Variants in MRPL1 observed in about 807,000 individuals in gnomAD.
MRPL1 encodes mitochondrial ribosomal protein L1, also known as large ribosomal subunit protein uL1m.
Under a neutral mutation model 38.0 loss-of-function variants are expected in MRPL1, and 28 were observed. That is an observed-to-expected ratio of 0.74 (90% CI 0.55 to 1.01). The LOEUF (loss-of-function observed/expected upper bound fraction) is 1.01, where lower values mean the gene tolerates loss of function less well. MRPL1 is among the 50% of genes least tolerant of loss of function. The pLI, the probability that MRPL1 is intolerant of heterozygous loss-of-function variation, is 0.00. For synonymous variants in MRPL1, 123 were observed against 126.7 expected, an observed-to-expected ratio of 0.97 and a Z score of 0.20; for missense variants, 358 against 389.8, an observed-to-expected ratio of 0.92 and a Z score of 0.69.
chr4:77,924,118 C>A (rs534485819), intron 7 of MRPL1, among the ~76,000 whole-genome samples: 3 of 152,016 alleles, frequency 2.0e-5, no homozygotes, highest in Non-Finnish European at 4.4e-5. Context: ...TTTCTCTCAG[C>A]TGGAAATTAT....
At chr4:77,911,699 A>G (rs538143692) in intron 7 of MRPL1, among the ~76,000 whole-genome samples, 2 of 152,306 alleles carry the variant, frequency 1.3e-5, no homozygotes, top group African/African-American at 4.8e-5. Context: ...ATAACCATTT[A>G]GCAGAGTACT....
intron 7 of MRPL1, among the ~76,000 whole-genome samples, chr4:77,945,545 A>G (rs771299854): frequency 1.4e-4 from 22 of 152,018 alleles, no homozygotes; most frequent in Non-Finnish European, 2.8e-4. Flanking sequence ...GATTGTAAAA[A>G]TCCTTTATTC....
intron 7 of MRPL1, among the ~76,000 whole-genome samples, chr4:77,942,588 T>G (rs567981773): frequency 6.6e-6 from 1 of 152,344 alleles, no homozygotes; most frequent in East Asian, 1.9e-4. Flanking sequence ...ATTTTCCTGT[T>G]GGACAAGTTC....
intron 7 of MRPL1, among the ~76,000 whole-genome samples, chr4:77,948,723 A>C (rs1360385894): frequency 6.6e-6 from 1 of 150,914 alleles, no homozygotes; most frequent in Non-Finnish European, 1.5e-5. Flanking sequence ...TACTGTATAA[A>C]TTTTGCCTGT....
intron 7 of MRPL1, among the ~76,000 whole-genome samples, chr4:77,912,263 CAG>C (rs376404276): frequency 2.5e-3 from 381 of 152,058 alleles, no homozygotes; most frequent in African/African-American, 7.2e-3. Context: ...AGGCAAGAAA[CAG>C]AAATAAAAAG....
At chr4:77,944,672 A>C (rs1422533913) in intron 7 of MRPL1, among the ~76,000 whole-genome samples, 1 of 152,214 alleles carries the variant, frequency 6.6e-6, no homozygotes, top group Non-Finnish European at 1.5e-5. Context: ...ACATCTAAAA[A>C]TTAGGAAGGC....
chr4:77,865,748 G>A (rs1158176072), intron 1 of MRPL1, among the ~76,000 whole-genome samples: 1 of 152,096 alleles, frequency 6.6e-6, no homozygotes, highest in Non-Finnish European at 1.5e-5. Context: ...TCCAGACTCT[G>A]ACTTCTCACT....
chr4:77,915,993 T>G (rs896512944), intron 7 of MRPL1, among the ~76,000 whole-genome samples: 5 of 152,168 alleles, frequency 3.3e-5, no homozygotes, highest in African/African-American at 9.7e-5. Context: ...GGGAAAAGTC[T>G]TAGAGCATAA....
chr4:77,876,869 T>C (rs1735407504), intron 2 of MRPL1, among the ~76,000 whole-genome samples: 1 of 152,090 alleles, frequency 6.6e-6, no homozygotes, highest in Non-Finnish European at 1.5e-5. Context: ...CTCTCTTGAC[T>C]GTGGGTTTTT....
At chr4:77,903,465 T>C (rs1028350451) in intron 6 of MRPL1, among the ~76,000 whole-genome samples, 2 of 152,206 alleles carry the variant, frequency 1.3e-5, no homozygotes, top group African/African-American at 4.8e-5. Flanking sequence ...TTCAACATTG[T>C]ACTGGATGGA....
At chr4:77,919,199 A>G (rs1736506296) in intron 7 of MRPL1, among the ~76,000 whole-genome samples, 1 of 152,108 alleles carries the variant, frequency 6.6e-6, no homozygotes, top group Non-Finnish European at 1.5e-5. Flanking sequence ...CATACCACAA[A>G]TCCATTTTAT....
At chr4:77,902,957 C>G (rs1008029947) in intron 6 of MRPL1, among the ~76,000 whole-genome samples, 1 of 152,142 alleles carries the variant, frequency 6.6e-6, no homozygotes, top group South Asian at 2.1e-4. Context: ...TTCTTCACAA[C>G]CTCTTTTAGA....
intron 7 of MRPL1, among the ~76,000 whole-genome samples, chr4:77,938,828 A>G (rs1387985110): frequency 3.9e-5 from 6 of 152,064 alleles, no homozygotes; most frequent in African/African-American, 1.2e-4. Context: ...TCACTTGTAC[A>G]TGTTTCCCAC....
At chr4:77,905,037 C>T (rs942863428) in intron 6 of MRPL1, among the ~76,000 whole-genome samples, 3 of 151,960 alleles carry the variant, frequency 2.0e-5, no homozygotes, top group East Asian at 1.9e-4. Flanking sequence ...GGTGAATACC[C>T]CTAAGAAAAT....
intron 7 of MRPL1, among the ~76,000 whole-genome samples, chr4:77,941,808 A>T (rs1283915576): frequency 6.6e-6 from 1 of 152,036 alleles, no homozygotes; most frequent in Admixed American, 6.6e-5. Flanking sequence ...TTATCTTTTC[A>T]AAGAACCATC....
Position 77,894,211 on chromosome 4 carries a change from A to G in MRPL1, c.631A>G (p.Arg211Gly). The change falls in exon 6 of 9, where the codon AGG (arginine) becomes GGG (glycine). Residue 211 changes from arginine to glycine, a missense_variant. Coordinates refer to ENST00000315567, the MANE Select transcript of MRPL1 (RefSeq NM_020236.4). ...PEIMPELNRL[R>G]KKLNKKYPKL... ...AATAATGCCTGAACTTAATCGATTAAGGAAGAAACTGAATAAAAAATATCC... is the reference window on the plus strand; with the variant it reads ...AATAATGCCTGAACTTAATCGATTAGGGAAGAAACTGAATAAAAAATATCC... 1 of 1,604,814 alleles carries G rather than the reference A, an allele frequency of 6.2e-7. No individual in the cohort carries two copies. The highest frequency in any genetic ancestry group is 8.5e-7 in the Non-Finnish European group (1 of 1,175,554).
Position 77,871,873 on chromosome 4 carries a change from GTTA to G in MRPL1, c.143+24_143+26del, listed in dbSNP as rs766385163. On this transcript the variant is annotated intron_variant, in intron 2 of 8. Coordinates refer to ENST00000315567, the MANE Select transcript of MRPL1 (RefSeq NM_020236.4). ...GCTACAAAGTAAGTATTTTTTTTTA[GTTA>G]TTATTTCATTTGTTGTCATTTTAAT... The G allele has an allele frequency of 1.4e-6, 2 of 1,459,884 alleles. No individual in the cohort carries two copies. The highest frequency in any genetic ancestry group is 1.9e-6 in the Non-Finnish European group (2 of 1,055,598). 90.4% of individuals were successfully genotyped at this position (1,459,884 alleles called of 1,614,324 possible).
At chr4:77,942,404 C>T (rs1370137133) in intron 7 of MRPL1, among the ~76,000 whole-genome samples, 1 of 151,938 alleles carries the variant, frequency 6.6e-6, no homozygotes, top group Admixed American at 6.6e-5. Context: ...TATTTTAAAT[C>T]CATTGTTTCT....
chr4:77,878,424 TGTTTAGTTC>T (rs1390843062), intron 2 of MRPL1, among the ~76,000 whole-genome samples: 1 of 152,214 alleles, frequency 6.6e-6, no homozygotes, highest in Non-Finnish European at 1.5e-5. Flanking sequence ...TCTTTAGTTC[TGTTTAGTTC>T]GTTTTAGTTT....
Sources: gnomAD v4.1 joint callset for allele counts (sites outside exome capture counted in the v4.1 genomes callset) on GRCh38, gnomAD v4.1.1 for gene constraint, MANE v1.5 for transcripts, NCBI Gene and HGNC (gene_info 2026-07-23, HGNC 2026-07-21) for gene names.